PYGM: variants seen among roughly 807,000 people sequenced by gnomAD.
The protein encoded by PYGM is glycogen phosphorylase, muscle form.
A neutral mutation model predicts 99.3 loss-of-function variants in PYGM; 81 were observed. The observed-to-expected ratio is 0.82, with a 90% CI of 0.68 to 0.98. The LOEUF (loss-of-function observed/expected upper bound fraction) is 0.98, where lower values mean the gene tolerates loss of function less well. Among genes scored for constraint, PYGM ranks in the 50% least tolerant of loss-of-function variants. The pLI is 0.00. For missense variants in PYGM, 1,030 were observed against 1,158.1 expected, an observed-to-expected ratio of 0.89 and a Z score of 1.61; for synonymous variants, 436 against 451.5, an observed-to-expected ratio of 0.97 and a Z score of 0.44.
Position 64,759,930 on chromosome 11 carries a change from T to TGGTAGAGGGGAC in PYGM, c.-44_-33dup, listed in dbSNP as rs746838836. 3.5e-5 allele frequency: 56 copies of TGGTAGAGGGGAC among 1,611,372 alleles called. No individual in the cohort carries two copies. The highest frequency in any genetic ancestry group is 3.3e-4 in the Middle Eastern group (2 of 6,076). ...AGGAGGGCGGGCCGGACTGGACTGA[T>TGGTAGAGGGGAC]GGTAGAGGGGACGGCGGCCTCAGCA... On this transcript the variant is annotated 5_prime_UTR_variant, in exon 1 of 20. Coordinates refer to ENST00000164139, the MANE Select transcript of PYGM (RefSeq NM_005609.4).
chr11:64,752,680 C>T (rs911143947), intron 12 of PYGM, among the ~76,000 whole-genome samples, 176 bp from the exon 13 acceptor site: 5 of 152,346 alleles, frequency 3.3e-5, no homozygotes, highest in African/African-American at 1.2e-4. Flanking sequence ...ATGCACCTTC[C>T]TCCCCTCCCG....
chr11:64,754,012 G>GTCACA lies in PYGM; in HGVS notation c.1101_1105dup (p.Thr369MetfsTer2), dbSNP rs1216282513. ...GTTGGTGTAGGCACAGGTCCTCACTGTCACATCCCACGCCTGGCACACGGG... is the reference window on the plus strand; with the variant it reads ...GTTGGTGTAGGCACAGGTCCTCACTGTCACATCACATCCCACGCCTGGCACACGGG... On this transcript the variant is annotated stop_gained and frameshift_variant, in exon 10 of 20. Coordinates refer to ENST00000164139, the MANE Select transcript of PYGM (RefSeq NM_005609.4). LOFTEE classifies it high-confidence loss of function. This position sits in a 1 kb window ranked among gnomAD's most constrained non-coding sequence, Gnocchi z 5.5. The GTCACA allele has an allele frequency of 6.2e-7, 1 of 1,603,820 alleles. No homozygotes were observed. The highest frequency in any genetic ancestry group is 8.5e-7 in the Non-Finnish European group (1 of 1,175,188).
At chr11:64,760,597 C>T (rs1190466273), upstream of PYGM, among the ~76,000 whole-genome samples, 3 of 152,242 alleles carry the variant, frequency 2.0e-5, no homozygotes, top group Non-Finnish European at 2.9e-5. Context: ...CCAGCATTGG[C>T]GGGAGGCCGC....
Position 64,755,144 on chromosome 11 carries a change from C to T in PYGM, c.855+129G>A, listed in dbSNP as rs2058385614. ...ACTCAAAAGACTTGAGGTGGGGGCA[C>T]AGGATGCACAAGGCCAGCAATATGC... is the stretch of plus-strand genomic sequence containing the variant. On this transcript the variant is annotated intron_variant, in intron 7 of 19. Coordinates refer to ENST00000164139, the MANE Select transcript of PYGM (RefSeq NM_005609.4). The surrounding 1 kb of genome is among the most constrained non-coding windows in gnomAD (Gnocchi z 4.1). 8.8e-7 allele frequency: 1 copy of T among 1,135,128 alleles called. No individual in the cohort carries two copies. Among genetic ancestry groups the T allele is most frequent in the East Asian group, 2.4e-5 (1 of 41,846 alleles). The allele number at this position is 1,135,128 out of a possible 1,614,324, so 70.3% of individuals were successfully genotyped here. A position where few individuals can be genotyped will look rare whatever the true frequency, so the allele number is the denominator to read the frequency against.
Position 64,751,923 on chromosome 11 carries a change from C to T in PYGM, c.1768+1G>A, listed in dbSNP as rs771427957. Reference sequence around the variant, plus strand: ...GACAGGGTAGAGTGGCTGCCACTCACGGTTGTACAGGGTGATGACATGGAG... The same window carrying T: ...GACAGGGTAGAGTGGCTGCCACTCATGGTTGTACAGGGTGATGACATGGAG... On this transcript the variant is annotated splice_donor_variant, in intron 14 of 19. Coordinates refer to ENST00000164139, the MANE Select transcript of PYGM (RefSeq NM_005609.4). LOFTEE classifies it high-confidence loss of function. 3.0e-5 allele frequency: 48 copies of T among 1,614,004 alleles called. No individual in the cohort carries two copies. The highest frequency in any genetic ancestry group is 2.8e-5 in the Non-Finnish European group (33 of 1,180,014).
rs912904130 is a variant in PYGM, at chr11:64,759,707, G to A, written c.192C>T (p.Leu64=). ...GCTGCGTGCGGATCCAGCGCCCCACGAGGTGGTCGCGCACGGTATGGGCCA... is the reference window on the plus strand; with the variant it reads ...GCTGCGTGCGGATCCAGCGCCCCACAAGGTGGTCGCGCACGGTATGGGCCA... ...FALAHTVRDH[L]VGRWIRTQQH... is the part of the protein sequence containing the mutation. Residue 64 remains leucine (L), a synonymous_variant, in exon 1 of 20, where the codon CTC becomes CTT. Transcript: ENST00000164139. 5.0e-6 allele frequency: 8 copies of A among 1,614,188 alleles called. No homozygotes were observed. Among genetic ancestry groups the A allele is most frequent in the Admixed American group, 3.3e-5 (2 of 60,028 alleles).
intron 15 of PYGM, 54 bp downstream of exon 15, chr11:64,751,540 ACCT>A: frequency 1.2e-6 from 2 of 1,613,984 alleles, no homozygotes; most frequent in Non-Finnish European, 1.7e-6. Flanking sequence ...AGCTGGGCTG[ACCT>A]CAACCTGGAT....
Position 64,758,455 on chromosome 11 carries a change from C to T in PYGM, c.406G>A (p.Gly136Ser), listed in dbSNP as rs1246112610. The T allele has an allele frequency of 6.2e-7, 1 of 1,613,958 alleles. No individual in the cohort carries two copies. Among genetic ancestry groups the T allele is most frequent in the Non-Finnish European group, 8.5e-7 (1 of 1,180,014 alleles). Residue 136 changes from glycine (G) to serine (S), a missense_variant, in exon 3 of 20, where the codon GGC becomes AGC. Transcript: ENST00000164139. Reference sequence around the variant, plus strand: ...TTCTTACCTGCCAGCCGGCCCAGGCCCCCGTTGCCCAGCCCCGCATCCTCC... The same window carrying T: ...TTCTTACCTGCCAGCCGGCCCAGGCTCCCGTTGCCCAGCCCCGCATCCTCC... The part of the protein sequence containing the change: ...IEEDAGLGNG[G>S]LGRLAACFLD...
At chr11:64,752,146 GC>G in intron 13 of PYGM, 75 bp from the exon 14 acceptor site, 1 of 1,600,574 alleles carries the variant, frequency 6.2e-7, no homozygotes, top group Non-Finnish European at 8.6e-7. Context: ...ACTCCAGTCA[GC>G]CCCAGGAGGA....
intron 12 of PYGM, 49 bp from the exon 13 acceptor site, chr11:64,752,553 TC>T: frequency 6.5e-7 from 1 of 1,546,436 alleles, no homozygotes; most frequent in Non-Finnish European, 8.9e-7. Context: ...TCCTCCCTCC[TC>T]CCAACACAGA....
chr11:64,752,300 C>G (rs896521078), intron 13 of PYGM, 103 bp downstream of exon 13: 3 of 1,442,510 alleles, frequency 2.1e-6, no homozygotes, highest in African/African-American at 2.8e-5. Flanking sequence ...ACGGCCTGGG[C>G]TGGCAGGAGA....
intron 11 of PYGM, 130 bp downstream of exon 11, chr11:64,753,388 TG>T: frequency 7.4e-7 from 1 of 1,346,500 alleles, no homozygotes; most frequent in Non-Finnish European, 1.0e-6. Context: ...CTTGTAAGAA[TG>T]ACGCCACCTG....
In PYGM at chr11:64,746,932, C is replaced by A; in HGVS notation, c.2368G>T (p.Ala790Ser). Reference sequence around the variant, plus strand: ...CCAGGACCCCTCACCTTGTACAAGGCGCTGACTTTCTCCTGGCATTTAATG... The same window carrying A: ...CCAGGACCCCTCACCTTGTACAAGGAGCTGACTTTCTCCTGGCATTTAATG... Reference protein sequence around the residue: ...DYIKCQEKVSALYKNPREWTR... With the variant: ...DYIKCQEKVSSLYKNPREWTR... Residue 790 changes from alanine to serine, a missense_variant, in exon 19 of 20, where the codon GCC (alanine) becomes TCC (serine). Transcript: ENST00000164139. 2 of 1,614,188 alleles carry A rather than the reference C, an allele frequency of 1.2e-6. No homozygotes were observed. Among genetic ancestry groups the A allele is most frequent in the Non-Finnish European group, 8.5e-7 (1 of 1,180,020 alleles).
In PYGM at chr11:64,750,469, C is replaced by T; in HGVS notation, c.2084G>A (p.Gly695Glu). 3 of 1,614,216 alleles carry T rather than the reference C, an allele frequency of 1.9e-6. No individual in the cohort carries two copies. ...NGALTIGTMD[G>E]ANVEMAEEAG... ...CTCTTCTGCCATCTCCACATTGGCCCCGTCCATGGTGCCAATGGTCAGAGC... is the reference window on the plus strand; with the variant it reads ...CTCTTCTGCCATCTCCACATTGGCCTCGTCCATGGTGCCAATGGTCAGAGC... Residue 695 changes from glycine to glutamate, a missense_variant, in exon 17 of 20, where the codon GGG (glycine) becomes GAG (glutamate). By Grantham distance (98) the Gly-to-Glu change is moderately conservative. Transcript: ENST00000164139.
Position 64,746,528 on chromosome 11 carries a change from T to C in PYGM, c.*131A>G, listed in dbSNP as rs1210278056. ...ACGCTGGACACTGGGACATTGAGAG[T>C]GGGGAAAATGAGGGTTCCAGGAGGG... On this transcript the variant is annotated 3_prime_UTR_variant, in exon 20 of 20. Coordinates refer to ENST00000164139, the MANE Select transcript of PYGM (RefSeq NM_005609.4). The C allele has an allele frequency of 7.8e-7, 1 of 1,276,786 alleles. No homozygotes were observed. The highest frequency in any genetic ancestry group is 1.1e-6 in the Non-Finnish European group (1 of 898,318). 79.1% of individuals were successfully genotyped at this position (1,276,786 alleles called of 1,614,324 possible). A position where few individuals can be genotyped will look rare whatever the true frequency, so the allele number is the denominator to read the frequency against.
chr11:64,752,437 T>C lies in PYGM; in HGVS notation c.1586A>G (p.Glu529Gly), dbSNP rs770412776. The C allele has an allele frequency of 6.2e-6, 10 of 1,614,144 alleles. No homozygotes were observed. Among genetic ancestry groups the C allele is most frequent in the Non-Finnish European group, 8.5e-6 (10 of 1,180,050 alleles). Residue 529 changes from glutamate to glycine, a missense_variant, in exon 13 of 20, where the codon GAA becomes GGA. Coordinates refer to ENST00000164139, the MANE Select transcript of PYGM (RefSeq NM_005609.4). ...LRKLLSFVDDEAFIRDVAKVK... is the reference protein window; with the variant it reads ...LRKLLSFVDDGAFIRDVAKVK... ...TTTGGCCACATCCCGAATGAAAGCT[T>C]CATCATCCACAAAGGAGAGCAGTTT...
intron 4 of PYGM, 133 bp downstream of exon 4, chr11:64,758,113 G>A (rs544119895): frequency 6.9e-5 from 92 of 1,342,846 alleles, no homozygotes; most frequent in East Asian, 4.2e-4. Flanking sequence ...GCTTTGGGTC[G>A]GGGGGTGGGG....
In PYGM at chr11:64,754,725, C is replaced by G. The variant is rs770104418; in HGVS notation, c.967G>C (p.Val323Leu). 2 of 1,613,742 alleles carry G rather than the reference C, an allele frequency of 1.2e-6. No individual in the cohort carries two copies. The highest frequency in any genetic ancestry group is 2.2e-5 in the South Asian group (2 of 91,056). The change falls in exon 8 of 20, where the codon GTG (valine) becomes CTG (leucine). Residue 323 changes from valine (V) to leucine (L), a missense_variant. Val to Leu is a conservative substitution (Grantham distance 32). Transcript: ENST00000164139. This position sits in a 1 kb window ranked among gnomAD's most constrained non-coding sequence, Gnocchi z 5.5. ...GGGAAGGCATCGAAGTTCGTGCGCACGGGATCACGGCAGCCGAACTTGGAA... is the reference window on the plus strand; with the variant it reads ...GGGAAGGCATCGAAGTTCGTGCGCAGGGGATCACGGCAGCCGAACTTGGAA... The part of the protein sequence containing the change: ...KSSKFGCRDP[V>L]RTNFDAFPDK...
At chr11:64,758,014 C>A in intron 4 of PYGM, 104 bp from the exon 5 acceptor site, 2 of 1,533,922 alleles carry the variant, frequency 1.3e-6, no homozygotes, top group Non-Finnish European at 1.8e-6. Flanking sequence ...TACCCTACAC[C>A]AAGTATAAGT....
Sources: allele counts gnomAD v4.1 joint callset (sites outside exome capture counted in the v4.1 genomes callset), GRCh38; gene constraint gnomAD v4.1.1; non-coding constraint Gnocchi (gnomAD v3.1); transcripts MANE v1.5; gene names NCBI Gene and HGNC (gene_info 2026-07-23, HGNC 2026-07-21).